Variants in MACROD2 observed in about 807,000 individuals in gnomAD.
MACROD2 encodes mono-ADP ribosylhydrolase 2.
In MACROD2, 36 loss-of-function variants were observed where a neutral mutation model predicts 70.4. The observed-to-expected ratio is 0.51, with a 90% CI of 0.39 to 0.68. The LOEUF is 0.68. MACROD2 is among the 30% of genes least tolerant of loss of function. MACROD2 has a pLI of 0.00. For missense variants in MACROD2, 496 were observed against 538.4 expected, an observed-to-expected ratio of 0.92 and a Z score of 0.78; for synonymous variants, 172 against 178.8, an observed-to-expected ratio of 0.96 and a Z score of 0.30.
At chr20:14,900,564 AATTTC>A (rs1213581323) in intron 5 of MACROD2, among the ~76,000 whole-genome samples, 1 of 106,560 alleles carries the variant, frequency 9.4e-6, no homozygotes, top group Non-Finnish European at 2.3e-5. Context: ...ATTTTTTTTA[AATTTC>A]TTCTTGCTTA....
intron 4 of MACROD2, among the ~76,000 whole-genome samples, chr20:14,506,783 C>T (rs1191094605): frequency 3.3e-5 from 5 of 151,988 alleles, no homozygotes; most frequent in African/African-American, 4.8e-5. Flanking sequence ...ACCCTGCCTC[C>T]ACTAAAAAAT....
chr20:14,500,951 C>T (rs2084908614), intron 4 of MACROD2, among the ~76,000 whole-genome samples: 1 of 151,544 alleles, frequency 6.6e-6, no homozygotes, highest in Non-Finnish European at 1.5e-5. Flanking sequence ...TCTCTCATCC[C>T]GGATTCTCAA....
intron 3 of MACROD2, among the ~76,000 whole-genome samples, chr20:14,314,513 C>T (rs1211943400): frequency 2.0e-5 from 3 of 152,152 alleles, no homozygotes; most frequent in African/African-American, 7.2e-5. Context: ...GTAATCCCAA[C>T]ACTTTGGGAG....
At chr20:15,929,286 C>T (rs775044635) in intron 10 of MACROD2, among the ~76,000 whole-genome samples, 11 of 152,142 alleles carry the variant, frequency 7.2e-5, no homozygotes, top group Non-Finnish European at 1.6e-4. Context: ...GGAACACAAG[C>T]AACAAATCCT....
intron 3 of MACROD2, among the ~76,000 whole-genome samples, chr20:14,446,102 A>G (rs2084179142): frequency 6.6e-6 from 1 of 152,118 alleles, no homozygotes; most frequent in Admixed American, 6.5e-5. Flanking sequence ...AGCAGAAACA[A>G]GTTTGGTGAT....
intron 4 of MACROD2, among the ~76,000 whole-genome samples, chr20:14,667,849 A>G (rs1224133910): frequency 2.0e-5 from 3 of 152,040 alleles, no homozygotes; most frequent in Non-Finnish European, 4.4e-5. Context: ...TTAGTGGGTG[A>G]GTATGTGAAT....
chr20:15,765,438 T>G (rs2147004738), intron 8 of MACROD2, among the ~76,000 whole-genome samples: 1 of 152,278 alleles, frequency 6.6e-6, no homozygotes, highest in South Asian at 2.1e-4. Context: ...ACCAATAAAG[T>G]GTGATCTAAT....
At chr20:14,284,222 G>A (rs946831362) in intron 3 of MACROD2, among the ~76,000 whole-genome samples, 4 of 152,162 alleles carry the variant, frequency 2.6e-5, no homozygotes, top group African/African-American at 9.7e-5. Flanking sequence ...TCTTAAAAGA[G>A]CAATATTAGA....
At chr20:15,715,302 C>A (rs1045753811) in intron 8 of MACROD2, among the ~76,000 whole-genome samples, 1 of 152,066 alleles carries the variant, frequency 6.6e-6, no homozygotes. Context: ...GTCATGTCAG[C>A]AAACGTGTAT....
At position 15,021,248 on chromosome 20, in the gene MACROD2, A is replaced by ATGTATACGCACACCTGTG. The variant is rs2075176946; in HGVS notation, c.419-208685_419-208684insGCACACCTGTGTGTATAC. Among the ~76,000 whole-genome samples the ATGTATACGCACACCTGTG allele has an allele frequency of 6.0e-4, 32 of 53,342 alleles. 7 individuals carry two copies. Among genetic ancestry groups the ATGTATACGCACACCTGTG allele is most frequent in the Admixed American group, 4.4e-3 (27 of 6,098 alleles). 35.0% of individuals were successfully genotyped at this position (53,342 alleles called of 152,430 possible). On this transcript the variant is annotated intron_variant, in intron 5 of 17. Transcript: ENST00000684519. ...TGTGCGTATACACACACCTGTGTGT[A>ATGTATACGCACACCTGTG]TGTATACACACACCTGTGTGTGTGT...
At chr20:15,948,638 T>C (rs1322103894) in intron 12 of MACROD2, among the ~76,000 whole-genome samples, 1 of 152,104 alleles carries the variant, frequency 6.6e-6, no homozygotes, top group Admixed American at 6.6e-5. Context: ...TTTGATATTC[T>C]TCCCCTCTAA....
chr20:14,915,561 T>A (rs566251874), intron 5 of MACROD2, among the ~76,000 whole-genome samples: 2 of 152,272 alleles, frequency 1.3e-5, no homozygotes, highest in Non-Finnish European at 2.9e-5. Context: ...TTCAGTCAGA[T>A]GAAAATGTGG....
At chr20:15,586,172 C>T (rs1426285146) in intron 8 of MACROD2, among the ~76,000 whole-genome samples, 1 of 152,210 alleles carries the variant, frequency 6.6e-6, no homozygotes, top group African/African-American at 2.4e-5. Flanking sequence ...GGTTCCCAAA[C>T]ATTAACACAC....
At position 14,435,112 on chromosome 20, in the gene MACROD2, G is replaced by A. The variant is rs78946627; in HGVS notation, c.272-58367G>A. Among the ~76,000 whole-genome samples the A allele has an allele frequency of 3.9e-3, 591 of 152,214 alleles. 2 individuals carry two copies. The highest frequency in any genetic ancestry group is 0.024 in the Middle Eastern group (7 of 294). On this transcript the variant is annotated intron_variant, in intron 3 of 17. Transcript: ENST00000684519. ...GAAGTCTGAACTGAAGGTATTCAGG[G>A]CCACACTCACTCCAAAGGCTTCAAG...
chr20:15,978,983 A>C (rs2066353923), intron 13 of MACROD2, among the ~76,000 whole-genome samples: 1 of 152,194 alleles, frequency 6.6e-6, no homozygotes, highest in Non-Finnish European at 1.5e-5. Context: ...ATTTTATTGG[A>C]TCCTTTTGAT....
intron 8 of MACROD2, among the ~76,000 whole-genome samples, chr20:15,515,912 A>G (rs913617881): frequency 2.5e-4 from 38 of 152,206 alleles, no homozygotes; most frequent in African/African-American, 8.9e-4. Context: ...AGGCAGCTTT[A>G]GACTGTTGTC....
chr20:15,519,530 A>G (rs973004302), intron 8 of MACROD2, among the ~76,000 whole-genome samples: 2 of 152,238 alleles, frequency 1.3e-5, no homozygotes, highest in Admixed American at 6.5e-5. Context: ...CAATTTTTAA[A>G]GAAACTTTTT....
At chr20:15,152,549 C>T (rs2076278774) in intron 5 of MACROD2, among the ~76,000 whole-genome samples, 2 of 110,008 alleles carry the variant, frequency 1.8e-5, no homozygotes, top group Admixed American at 1.9e-4. Flanking sequence ...GGTTCCTGCC[C>T]CTCCCCTAGA....
In MACROD2 at chr20:15,205,013, A is replaced by AT. The variant is rs1431884012; in HGVS notation, c.419-24926dup. Among the ~76,000 whole-genome samples, 4 of 152,174 alleles carry AT rather than the reference A, an allele frequency of 2.6e-5. No homozygotes were observed. In the South Asian group the frequency reaches 6.2e-4, roughly 24 times the overall value. The stretch of plus-strand genomic sequence containing the variant: ...CTCTACAGATAAAATAATGTTCTAT[A>AT]TATGTGAGGAAGTGTGTCTAATAAT... On this transcript the variant is annotated intron_variant, in intron 5 of 17. Coordinates refer to ENST00000684519, the MANE Select transcript of MACROD2 (RefSeq NM_001351661.2).
Sources: allele counts gnomAD v4.1 joint callset (sites outside exome capture counted in the v4.1 genomes callset), GRCh38; gene constraint gnomAD v4.1.1; transcripts MANE v1.5; gene names NCBI Gene and HGNC (gene_info 2026-07-23, HGNC 2026-07-21).